CDC42BPA: variants seen among roughly 807,000 people sequenced by gnomAD.
The protein encoded by CDC42BPA is CDC42 binding protein kinase alpha, also known as serine/threonine-protein kinase MRCK alpha.
In CDC42BPA, 80 loss-of-function variants were observed where a neutral mutation model predicts 223.5. That is an observed-to-expected ratio of 0.36 (90% CI 0.30 to 0.43). The LOEUF (loss-of-function observed/expected upper bound fraction) is 0.43, where lower values mean the gene tolerates loss of function less well. CDC42BPA is among the 20% of genes least tolerant of loss of function. The pLI, the probability that CDC42BPA is intolerant of heterozygous loss-of-function variation, is 1.00. For synonymous variants in CDC42BPA, 694 were observed against 718.6 expected, an observed-to-expected ratio of 0.97 and a Z score of 0.55; for missense variants, 1,743 against 2,099.9, an observed-to-expected ratio of 0.83 and a Z score of 3.32.
intron 35 of CDC42BPA, chr1:227,003,955 A>C (rs17528049): frequency 0.16 from 23,987 of 152,178 alleles, 2,538 homozygotes; most frequent in Non-Finnish European, 0.24. Flanking sequence ...ATCTAATGGA[A>C]CCTCAAACAT....
chr1:227,047,026 TAG>T (rs1425401267), intron 23 of CDC42BPA, among the ~76,000 whole-genome samples: 1 of 152,132 alleles, frequency 6.6e-6, no homozygotes, highest in Non-Finnish European at 1.5e-5. Context: ...TTTAGTTTAC[TAG>T]AGTGTTTTCT....
chr1:227,226,927 A>G (rs1227772677), intron 2 of CDC42BPA, among the ~76,000 whole-genome samples: 1 of 152,206 alleles, frequency 6.6e-6, no homozygotes, highest in Non-Finnish European at 1.5e-5. Context: ...GAGAAACTAC[A>G]CTGCAGAATA....
At chr1:227,081,110 CT>C in intron 16 of CDC42BPA, 93 bp from the exon 17 acceptor site, 1 of 1,261,380 alleles carries the variant, frequency 7.9e-7, no homozygotes, top group East Asian at 2.4e-5. Flanking sequence ...TCAACATCAT[CT>C]ACCCAAAAAT....
chr1:227,058,172 C>T (rs1253890848), intron 21 of CDC42BPA, among the ~76,000 whole-genome samples: 1 of 152,110 alleles, frequency 6.6e-6, no homozygotes, highest in Non-Finnish European at 1.5e-5. Context: ...TTCATAAACA[C>T]AATAATTAAT....
chr1:227,298,975 T>C (rs1231188010), intron 1 of CDC42BPA, among the ~76,000 whole-genome samples: 1 of 152,190 alleles, frequency 6.6e-6, no homozygotes, highest in African/African-American at 2.4e-5. Context: ...CTTTCACAAA[T>C]GGACAGCTGT....
intron 6 of CDC42BPA, among the ~76,000 whole-genome samples, chr1:227,158,263 G>A (rs1663189195): frequency 6.6e-6 from 1 of 151,968 alleles, no homozygotes; most frequent in African/African-American, 2.4e-5. Flanking sequence ...ACCGACCTAT[G>A]ATCACTTCTT....
At position 227,230,812 on chromosome 1, in the gene CDC42BPA, C is replaced by CTTTTT. The variant is rs1309498246; in HGVS notation, c.271-17594_271-17593insAAAAA. ...GCTAACTGATTTCTATTTCTTTTTT[C>CTTTTT]TTTCTTTCTTTTTTTTTTTTTTTTT... On this transcript the variant is annotated intron_variant, in intron 2 of 36. Transcript: ENST00000366766. Among the ~76,000 whole-genome samples the CTTTTT allele has an allele frequency of 1.2e-3, 129 of 111,734 alleles. 2 individuals are homozygous for CTTTTT. The highest frequency in any genetic ancestry group is 2.5e-3 in the South Asian group (8 of 3,258). The allele number at this position is 111,734 out of a possible 152,430, so 73.3% of individuals were successfully genotyped here. A position where few individuals can be genotyped will look rare whatever the true frequency, so the allele number is the denominator to read the frequency against.
chr1:226,994,956 G>C lies in CDC42BPA; in HGVS notation c.5000C>G (p.Ala1667Gly). Residue 1667 changes from alanine (A) to glycine (G), a missense_variant, in exon 36 of 37, where the codon GCA (alanine) becomes GGA (glycine). Transcript: ENST00000366766. The surrounding 1 kb of genome is among the most constrained non-coding windows in gnomAD (Gnocchi z 4.0). ...TCCTCCAGAGAATTCCCTCTTTAAT[G>C]CGCTGCCATTCTGTGCGGATGACCC... ...SARSSAQNGS[A>G]LKREFSGGSY... The C allele has an allele frequency of 6.2e-7, 1 of 1,614,108 alleles. No homozygotes were observed. Among genetic ancestry groups the C allele is most frequent in the Non-Finnish European group, 8.5e-7 (1 of 1,180,010 alleles).
chr1:227,043,064 G>C (rs1403878054), intron 23 of CDC42BPA, among the ~76,000 whole-genome samples: 1 of 152,128 alleles, frequency 6.6e-6, no homozygotes, highest in African/African-American at 2.4e-5. Flanking sequence ...ACAAGTCAAA[G>C]AGTATCTCAC....
At chr1:227,116,801 A>T (rs1338458694) in intron 12 of CDC42BPA, among the ~76,000 whole-genome samples, 1 of 152,114 alleles carries the variant, frequency 6.6e-6, no homozygotes, top group East Asian at 1.9e-4. Context: ...AAACTAAGAG[A>T]TTTACCTTCT....
intron 32 of CDC42BPA, among the ~76,000 whole-genome samples, chr1:227,021,187 G>A (rs1344881252): frequency 1.3e-5 from 2 of 152,170 alleles, no homozygotes; most frequent in Non-Finnish European, 2.9e-5. Context: ...TTACCAAAAT[G>A]TGAAACAGAG....
intron 5 of CDC42BPA, among the ~76,000 whole-genome samples, chr1:227,182,177 C>G (rs1222946435): frequency 6.6e-6 from 1 of 152,162 alleles, no homozygotes; most frequent in Admixed American, 6.5e-5. Flanking sequence ...GCTCATCGGT[C>G]CTGCACTCTC....
intron 17 of CDC42BPA, among the ~76,000 whole-genome samples, chr1:227,075,219 G>A (rs1416911668): frequency 6.6e-6 from 1 of 152,130 alleles, no homozygotes; most frequent in African/African-American, 2.4e-5. Context: ...ACACACTTTG[G>A]GGAAGACAAT....
At chr1:227,241,701 C>G (rs1680050409) in intron 2 of CDC42BPA, among the ~76,000 whole-genome samples, 1 of 152,100 alleles carries the variant, frequency 6.6e-6, no homozygotes, top group African/African-American at 2.4e-5. Flanking sequence ...AAGAAAACTT[C>G]CCAGGGTGAC....
intron 30 of CDC42BPA, among the ~76,000 whole-genome samples, chr1:227,027,259 C>G (rs1454851893): frequency 6.6e-6 from 1 of 152,114 alleles, no homozygotes; most frequent in African/African-American, 2.4e-5. Context: ...ATGGGTAGAA[C>G]TAGAGGTATT....
At chr1:227,288,338 A>G (rs897662304) in intron 1 of CDC42BPA, among the ~76,000 whole-genome samples, 7 of 152,160 alleles carry the variant, frequency 4.6e-5, no homozygotes, top group African/African-American at 1.7e-4. Flanking sequence ...TCGTGCCACT[A>G]TACTCCAGCC....
chr1:227,059,259 A>C, intron 21 of CDC42BPA: 1 of 823,450 alleles, frequency 1.2e-6, no homozygotes, highest in Non-Finnish European at 2.0e-6. Context: ...AAAGCATGCA[A>C]TAGATGTAAT....
At chr1:227,222,160 GTGAGCTGTGATTGC>G (rs1372865113) in intron 2 of CDC42BPA, among the ~76,000 whole-genome samples, 66 of 151,854 alleles carry the variant, frequency 4.3e-4, no homozygotes, top group African/African-American at 1.6e-3. Flanking sequence ...CAAGACTGCA[GTGAGCTGTGATTGC>G]ACCACTGCAC....
intron 21 of CDC42BPA, among the ~76,000 whole-genome samples, chr1:227,052,875 C>T (rs1366845718): frequency 1.3e-5 from 2 of 152,102 alleles, no homozygotes; most frequent in African/African-American, 4.8e-5. Flanking sequence ...AATGCCACTG[C>T]TGAAAGAGTC....
Sources: gnomAD v4.1 joint callset for allele counts (sites outside exome capture counted in the v4.1 genomes callset) on GRCh38, gnomAD v4.1.1 for gene constraint, Gnocchi (gnomAD v3.1) non-coding constraint, MANE v1.5 for transcripts, NCBI Gene and HGNC (gene_info 2026-07-23, HGNC 2026-07-21) for gene names.